Variants in IDE observed in about 807,000 individuals in gnomAD.
IDE encodes the protein insulin degrading enzyme, also known as insulin-degrading enzyme.
A neutral mutation model predicts 133.2 loss-of-function variants in IDE; 58 were observed. The ratio of observed to expected loss-of-function variants is 0.44; its 90% CI spans 0.35 to 0.54. IDE has a LOEUF of 0.54. Ranked by LOEUF, IDE falls within the 20% of genes least tolerant of loss-of-function variation. The probability of loss-of-function intolerance (pLI) is 0.00; values close to 1 mark genes in which losing one functional copy is unlikely to be tolerated. For synonymous variants in IDE, 396 were observed against 421.3 expected, an observed-to-expected ratio of 0.94 and a Z score of 0.73; for missense variants, 981 against 1,234.0, an observed-to-expected ratio of 0.79 and a Z score of 3.07.
chr10:92,562,904 C>T (rs2135815004), intron 1 of IDE, among the ~76,000 whole-genome samples: 1 of 152,308 alleles, frequency 6.6e-6, no homozygotes, highest in East Asian at 1.9e-4. Flanking sequence ...CTTTGGGAGG[C>T]CAAGGCGGGT....
intron 12 of IDE, among the ~76,000 whole-genome samples, chr10:92,487,559 A>C (rs1022891012): frequency 6.6e-6 from 1 of 152,216 alleles, no homozygotes; most frequent in Non-Finnish European, 1.5e-5. Flanking sequence ...CCACATCTCC[A>C]AAATGACCAG....
chr10:92,569,572 T>C (rs1198666364), intron 1 of IDE, among the ~76,000 whole-genome samples: 1 of 152,066 alleles, frequency 6.6e-6, no homozygotes. Flanking sequence ...GAGGATTGGG[T>C]CTTGGGAATA....
Position 92,525,990 on chromosome 10 carries a change from C to T in IDE, c.661+5758G>A, listed in dbSNP as rs151094449. The stretch of plus-strand genomic sequence containing the variant: ...TGGCCAACATGCGAAACTTCATCTC[C>T]ACTAAAAATACAAAAATCAGCTGGG... On this transcript the variant is annotated intron_variant, in intron 4 of 24. Transcript: ENST00000265986. Among the ~76,000 whole-genome samples, 1,145 of 151,658 alleles carry T rather than the reference C, an allele frequency of 7.5e-3. 15 individuals carry two copies. The highest frequency in any genetic ancestry group is 0.027 in the African/African-American group (1,096 of 41,358).
At chr10:92,550,144 G>C (rs1842712332) in intron 1 of IDE, among the ~76,000 whole-genome samples, 2 of 151,662 alleles carry the variant, frequency 1.3e-5, no homozygotes, top group Non-Finnish European at 2.9e-5. Context: ...CGTCAGCCTG[G>C]GCCATCTCAA....
At chr10:92,501,538 C>T (rs1179284056) in intron 11 of IDE, among the ~76,000 whole-genome samples, 7 of 151,164 alleles carry the variant, frequency 4.6e-5, no homozygotes, top group South Asian at 2.1e-4. Context: ...GGCATGGTGG[C>T]GCGTGCCTGT....
chr10:92,468,809 G>A, intron 19 of IDE, 70 bp downstream of exon 19: 1 of 752,196 alleles, frequency 1.3e-6, no homozygotes, highest in Non-Finnish European at 2.4e-6. Context: ...ACCAAATTCA[G>A]CCCACCTGTA....
chr10:92,515,238 C>T (rs1191694503), intron 4 of IDE, among the ~76,000 whole-genome samples, 196 bp from the exon 5 acceptor site: 1 of 151,014 alleles, frequency 6.6e-6, no homozygotes, highest in Non-Finnish European at 1.5e-5. Context: ...AAACTATAGT[C>T]GTCTCTACGG....
chr10:92,544,048 C>T (rs1046300357), intron 1 of IDE, among the ~76,000 whole-genome samples: 1 of 152,152 alleles, frequency 6.6e-6, no homozygotes, highest in Non-Finnish European at 1.5e-5. Flanking sequence ...GCCTGGCCAA[C>T]ATGGTGAAAC....
chr10:92,461,635 C>T (rs1242542572), intron 21 of IDE, among the ~76,000 whole-genome samples: 5 of 151,976 alleles, frequency 3.3e-5, no homozygotes, highest in East Asian at 3.9e-4. Context: ...GGATTATAGG[C>T]GTGAGCCATC....
At chr10:92,536,569 G>C (rs1046977474) in intron 2 of IDE, among the ~76,000 whole-genome samples, 2 of 148,068 alleles carry the variant, frequency 1.4e-5, no homozygotes, top group Admixed American at 1.4e-4. Context: ...GTGGTGGCAC[G>C]CGCCTGTAAT....
At chr10:92,535,537 G>A (rs189280001) in intron 2 of IDE, among the ~76,000 whole-genome samples, 39 of 152,222 alleles carry the variant, frequency 2.6e-4, no homozygotes, top group Admixed American at 1.5e-3. Flanking sequence ...TGACTCAATC[G>A]CTTCAATATA....
chr10:92,516,661 G>A (rs958608580), intron 4 of IDE, among the ~76,000 whole-genome samples: 4 of 152,114 alleles, frequency 2.6e-5, no homozygotes, highest in Non-Finnish European at 4.4e-5. Context: ...GAGTCACTGA[G>A]GGATTTTTTT....
At chr10:92,531,724 C>A in intron 4 of IDE, 24 bp downstream of exon 4, 2 of 1,522,048 alleles carry the variant, frequency 1.3e-6, no homozygotes, top group South Asian at 2.7e-5. Flanking sequence ...TAAATGAGGT[C>A]AAGGAAAGCA....
intron 2 of IDE, among the ~76,000 whole-genome samples, chr10:92,536,871 C>T (rs1326046074): frequency 6.6e-6 from 1 of 151,756 alleles, no homozygotes; most frequent in African/African-American, 2.4e-5. Flanking sequence ...AACCCCATCT[C>T]TAATAAAAAT....
At chr10:92,507,735 A>C in intron 8 of IDE, 69 bp from the exon 9 acceptor site, 2 of 882,020 alleles carry the variant, frequency 2.3e-6, no homozygotes, top group Non-Finnish European at 1.9e-6. Context: ...GCTCACTCCT[A>C]AGGTAAAGTC....
rs77072292 is a variant in IDE at position 92,512,726 on chromosome 10, G to C, written c.784+2194C>G. On this transcript the variant is annotated intron_variant, in intron 5 of 24. Coordinates refer to ENST00000265986, the MANE Select transcript of IDE (RefSeq NM_004969.4). ...ACTCCCTGAATCCATTTTACACCCT[G>C]GTTCTTGCTACCAACTTAAAAAATA... Among the ~76,000 whole-genome samples the C allele has an allele frequency of 4.8e-3, 731 of 151,858 alleles. 7 individuals carry two copies. The highest frequency in any genetic ancestry group is 0.017 in the African/African-American group (694 of 41,398).
chr10:92,468,782 CTT>C lies in IDE; in HGVS notation c.2320+95_2320+96del, dbSNP rs1168790718. 6.5e-6 allele frequency: 4 copies of C among 617,712 alleles called. No individual in the cohort carries two copies. In the Admixed American group the frequency reaches 1.1e-4, roughly 17 times the overall value. 38.3% of individuals were successfully genotyped at this position (617,712 alleles called of 1,614,324 possible). ...AAATAGGAGAGGTTCCCAAGTAAATCTTTGGCGTAAAACTATACCAAATTCAG... is the reference window on the plus strand; with the variant it reads ...AAATAGGAGAGGTTCCCAAGTAAATCTGGCGTAAAACTATACCAAATTCAG... On this transcript the variant is annotated intron_variant, in intron 19 of 24. Transcript: ENST00000265986.
At chr10:92,463,629 G>A in intron 21 of IDE, 102 bp downstream of exon 21, 2 of 1,081,614 alleles carry the variant, frequency 1.8e-6, no homozygotes, top group Non-Finnish European at 2.8e-6. Flanking sequence ...TCCCCAAATA[G>A]GTAACGGAAT....
chr10:92,483,140 A>G (rs1846721512), intron 14 of IDE, 115 bp downstream of exon 14: 1 of 609,006 alleles, frequency 1.6e-6, no homozygotes, highest in Non-Finnish European at 2.9e-6. Context: ...TTTCTAGGTG[A>G]AATAACTCTA....
Sources: allele counts gnomAD v4.1 joint callset (sites outside exome capture counted in the v4.1 genomes callset), GRCh38; gene constraint gnomAD v4.1.1; transcripts MANE v1.5; gene names NCBI Gene and HGNC (gene_info 2026-07-23, HGNC 2026-07-21).